Variants in SCD5 observed in about 807,000 individuals in gnomAD.
SCD5 encodes acyl-CoA-desaturase 4.
A neutral mutation model predicts 30.4 loss-of-function variants in SCD5; 20 were observed. The observed-to-expected ratio is 0.66, with a 90% CI of 0.46 to 0.96. The LOEUF (loss-of-function observed/expected upper bound fraction) is 0.96. Ranked by LOEUF, SCD5 falls within the 40% of genes least tolerant of loss-of-function variation. The pLI is 0.00. For synonymous variants in SCD5, 173 were observed against 176.4 expected (o/e 0.98, Z 0.16); for missense variants, 381 against 443.3 (o/e 0.86, Z 1.26).
intron 2 of SCD5, among the ~76,000 whole-genome samples, chr4:82,687,722 T>G (rs1392749047): frequency 1.3e-5 from 2 of 152,176 alleles, no homozygotes; most frequent in African/African-American, 4.8e-5. Flanking sequence ...GACCATGAGG[T>G]GATTTTTCTC....
intron 1 of SCD5, among the ~76,000 whole-genome samples, chr4:82,726,859 C>G (rs1720510827): frequency 6.6e-6 from 1 of 152,144 alleles, no homozygotes; most frequent in Non-Finnish European, 1.5e-5. Context: ...TTCCTTTCCC[C>G]TGGAGCTGTC....
At position 82,637,234 on chromosome 4, in the gene SCD5, T is replaced by C. The variant is rs1016450290; in HGVS notation, c.570-411A>G. 5.3e-5 allele frequency among the ~76,000 whole-genome samples: 8 copies of C among 152,344 alleles called. No individual in the cohort carries two copies. In the East Asian group the frequency reaches 1.2e-3, roughly 22 times the overall value. On this transcript the variant is annotated intron_variant, in intron 3 of 4. Coordinates refer to ENST00000319540, the MANE Select transcript of SCD5 (RefSeq NM_001037582.3). ...GGTTTTCTCAAATAATTTTGAGAAA[T>C]AGTTAATGCTTCTTAAATAATTTTA...
intron 1 of SCD5, among the ~76,000 whole-genome samples, chr4:82,796,009 G>C (rs541793159): frequency 1.3e-5 from 2 of 151,770 alleles, no homozygotes; most frequent in African/African-American, 4.8e-5. Context: ...AGTGGCTCAC[G>C]CCTGTAATTC....
Position 82,631,265 on chromosome 4 carries a change from A to C in SCD5, c.*62T>G. The C allele has an allele frequency of 1.3e-6, 2 of 1,489,566 alleles. No individual in the cohort carries two copies. Among genetic ancestry groups the C allele is most frequent in the Non-Finnish European group, 1.8e-6 (2 of 1,085,400 alleles). 92.3% of individuals were successfully genotyped at this position (1,489,566 alleles called of 1,614,324 possible). On this transcript the variant is annotated 3_prime_UTR_variant, in exon 5 of 5. Coordinates refer to ENST00000319540, the MANE Select transcript of SCD5 (RefSeq NM_001037582.3). The stretch of plus-strand genomic sequence containing the variant: ...CCACGATCCAATGTACAAGAGAGCT[A>C]TTGTAACCAAAGCCATGAACCGAGG...
chr4:82,792,182 A>G (rs10003498), intron 1 of SCD5, among the ~76,000 whole-genome samples: 41,304 of 151,878 alleles, frequency 0.27, 6,614 homozygotes, highest in African/African-American at 0.45. Context: ...GCTTGAACCC[A>G]GGAGGCAGAG....
chr4:82,646,454 G>C (rs541168859), intron 3 of SCD5, among the ~76,000 whole-genome samples: 13 of 152,108 alleles, frequency 8.5e-5, no homozygotes, highest in African/African-American at 2.9e-4. Context: ...GTGGAGTGTC[G>C]CCGAAAATCT....
chr4:82,778,510 C>T (rs1188274073), intron 1 of SCD5, among the ~76,000 whole-genome samples: 1 of 152,192 alleles, frequency 6.6e-6, no homozygotes, highest in Non-Finnish European at 1.5e-5. Flanking sequence ...CTACAAGGGC[C>T]GCATGCTCTA....
rs544877090 is a variant in SCD5 at position 82,740,548 on chromosome 4, C to T, written c.233-35135G>A. On this transcript the variant is annotated intron_variant, in intron 1 of 4. Coordinates refer to ENST00000319540, the MANE Select transcript of SCD5 (RefSeq NM_001037582.3). ...TTTGGAGGGTATCATTCATCCAACT[C>T]AGACAGACATATTGACTTACCGATA... 1.7e-3 allele frequency among the ~76,000 whole-genome samples: 256 copies of T among 152,336 alleles called. 1 individual carries two copies. The highest frequency in any genetic ancestry group is 2.8e-3 in the Non-Finnish European group (191 of 68,034).
At chr4:82,637,542 G>A (rs867412862) in intron 3 of SCD5, among the ~76,000 whole-genome samples, 1 of 152,334 alleles carries the variant, frequency 6.6e-6, no homozygotes. Flanking sequence ...AGACAAGTTA[G>A]GTGAAGCCCC....
chr4:82,765,768 C>T (rs112280120), intron 1 of SCD5, among the ~76,000 whole-genome samples: 7,759 of 152,004 alleles, frequency 0.051, 263 homozygotes, highest in Middle Eastern at 0.092. Context: ...AGGTGTGCAC[C>T]GCCATCATAC....
chr4:82,687,262 A>T (rs1419803132), intron 2 of SCD5, among the ~76,000 whole-genome samples: 1 of 152,150 alleles, frequency 6.6e-6, no homozygotes, highest in Non-Finnish European at 1.5e-5. Flanking sequence ...ATTTTTAATA[A>T]AAAATATAAG....
intron 2 of SCD5, among the ~76,000 whole-genome samples, chr4:82,683,465 A>G (rs1446552753): frequency 6.6e-6 from 1 of 152,254 alleles, no homozygotes; most frequent in Non-Finnish European, 1.5e-5. Flanking sequence ...AGTTCATCCA[A>G]CAAATCAAAA....
chr4:82,704,053 G>T (rs967492982), intron 2 of SCD5, among the ~76,000 whole-genome samples: 2 of 152,190 alleles, frequency 1.3e-5, no homozygotes, highest in African/African-American at 4.8e-5. Flanking sequence ...TGAATGACAA[G>T]CAGTATATAT....
At chr4:82,742,078 CAA>C (rs11366931) in intron 1 of SCD5, among the ~76,000 whole-genome samples, 28 of 92,316 alleles carry the variant, frequency 3.0e-4, no homozygotes, top group Admixed American at 4.8e-4. Context: ...GAGTCCGTCT[CAA>C]AAAAAAAAAA....
At chr4:82,796,605 C>A (rs1419742595) in intron 1 of SCD5, among the ~76,000 whole-genome samples, 1 of 152,052 alleles carries the variant, frequency 6.6e-6, no homozygotes, top group Admixed American at 6.5e-5. Flanking sequence ...AGCCAGTGAG[C>A]CCTAGGCATG....
intron 1 of SCD5, among the ~76,000 whole-genome samples, chr4:82,780,994 C>T (rs1238760761): frequency 6.6e-6 from 1 of 152,242 alleles, no homozygotes; most frequent in Non-Finnish European, 1.5e-5. Context: ...AGGCCCCCAC[C>T]AGCCTCCTCA....
chr4:82,767,212 A>G (rs1209910800), intron 1 of SCD5, among the ~76,000 whole-genome samples: 1 of 151,962 alleles, frequency 6.6e-6, no homozygotes, highest in East Asian at 1.9e-4. Context: ...GACCGTCTGC[A>G]CATCTCCACA....
chr4:82,662,205 T>C (rs1427128548), intron 3 of SCD5, among the ~76,000 whole-genome samples: 3 of 152,054 alleles, frequency 2.0e-5, no homozygotes, highest in Non-Finnish European at 4.4e-5. Context: ...TATAAGCACA[T>C]GCCATCGTGC....
intron 1 of SCD5, among the ~76,000 whole-genome samples, chr4:82,781,727 ATTGCCCTTG>A (rs1260154666): frequency 3.3e-5 from 5 of 152,164 alleles, no homozygotes; most frequent in African/African-American, 1.2e-4. Flanking sequence ...TCACCCTCTC[ATTGCCCTTG>A]CATAATAGGA....
Sources: allele counts gnomAD v4.1 joint callset (sites outside exome capture counted in the v4.1 genomes callset), GRCh38; gene constraint gnomAD v4.1.1; transcripts MANE v1.5; gene names NCBI Gene and HGNC (gene_info 2026-07-23, HGNC 2026-07-21).